Variants in PARD3B observed in about 807,000 individuals in gnomAD.
PARD3B encodes the protein partitioning defective 3 homolog B.
Under a neutral mutation model 130.2 loss-of-function variants are expected in PARD3B, and 103 were observed. That is an observed-to-expected ratio of 0.79 (90% CI 0.67 to 0.93). The LOEUF is 0.93. PARD3B is among the 40% of genes least tolerant of loss of function. PARD3B has a pLI of 0.00. For missense variants in PARD3B, 1,609 were observed against 1,499.2 expected (o/e 1.07, Z -1.21); for synonymous variants, 583 against 553.2 (o/e 1.05, Z -0.76).
intron 2 of PARD3B, among the ~76,000 whole-genome samples, chr2:204,933,087 G>A (rs1022017555): frequency 4.6e-5 from 7 of 152,166 alleles, no homozygotes; most frequent in African/African-American, 1.4e-4. Flanking sequence ...AGAACTGATT[G>A]CTCTAAGGTG....
rs1350680520 is a variant in PARD3B at position 205,229,638 on chromosome 2, C to T, written c.2141-16140C>T. Among the ~76,000 whole-genome samples the T allele has an allele frequency of 6.6e-6, 1 of 152,052 alleles. No individual in the cohort carries two copies. The highest frequency in any genetic ancestry group is 2.4e-5 in the African/African-American group (1 of 41,432). ...AAGGCAGCACAGCACTGGGTCTCTC[C>T]CTAGGCTCACAGTAACCACTGCCTG... On this transcript the variant is annotated intron_variant, in intron 15 of 22. Transcript: ENST00000406610. The surrounding 1 kb of genome is among the most constrained non-coding windows in gnomAD (Gnocchi z 5.2).
intron 4 of PARD3B, among the ~76,000 whole-genome samples, chr2:205,056,575 A>G (rs1249296511): frequency 6.6e-6 from 1 of 151,028 alleles, no homozygotes; most frequent in African/African-American, 2.4e-5. Flanking sequence ...GCCTTCTGAC[A>G]GACTAAAACC....
At chr2:204,858,811 T>C (rs2045064100) in intron 2 of PARD3B, among the ~76,000 whole-genome samples, 1 of 148,554 alleles carries the variant, frequency 6.7e-6, no homozygotes, top group Non-Finnish European at 1.5e-5. Flanking sequence ...AAAATACATA[T>C]ATAATATAAC....
Position 204,946,237 on chromosome 2 carries a change from G to T in PARD3B, c.223-18915G>T, listed in dbSNP as rs565799461. On this transcript the variant is annotated intron_variant, in intron 2 of 22. Transcript: ENST00000406610. Reference sequence around the variant, plus strand: ...TGCTCAGTTCTTAACACAGTGCTTGGCCTGTTACAAGTACTGAAGACGTGT... The same window carrying T: ...TGCTCAGTTCTTAACACAGTGCTTGTCCTGTTACAAGTACTGAAGACGTGT... Among the ~76,000 whole-genome samples the T allele has an allele frequency of 3.3e-5, 5 of 152,232 alleles. No individual in the cohort carries two copies. The South Asian group carries it at 1.0e-3, about 32-fold the overall frequency.
chr2:205,342,982 C>T (rs1053133000), intron 18 of PARD3B, among the ~76,000 whole-genome samples: 1 of 152,198 alleles, frequency 6.6e-6, no homozygotes, highest in Non-Finnish European at 1.5e-5. Context: ...TTTGGCAACA[C>T]AGAATGACTA....
At position 205,106,529 on chromosome 2, in the gene PARD3B, G is replaced by GTGTGTGTA. The variant is rs1221420507; in HGVS notation, c.593+2016_593+2017insGTGTGTAT. Among the ~76,000 whole-genome samples the GTGTGTGTA allele has an allele frequency of 6.6e-5, 10 of 150,666 alleles. No individual in the cohort carries two copies. The South Asian group carries it at 1.3e-3, about 19-fold the overall frequency. ...TGTGTGTGTGTGTGTGTGTGTGTGT[G>GTGTGTGTA]TATATTTGATTATCAAAACGGGCTT... On this transcript the variant is annotated intron_variant, in intron 5 of 22. Coordinates refer to ENST00000406610, the MANE Select transcript of PARD3B (RefSeq NM_001302769.2).
intron 18 of PARD3B, among the ~76,000 whole-genome samples, chr2:205,385,443 T>C (rs1431992152): frequency 6.6e-6 from 1 of 152,178 alleles, no homozygotes; most frequent in Non-Finnish European, 1.5e-5. Context: ...TGTCATTATT[T>C]AGAATGGACA....
chr2:205,391,572 C>T (rs911548236), intron 18 of PARD3B, among the ~76,000 whole-genome samples: 3 of 152,184 alleles, frequency 2.0e-5, no homozygotes, highest in African/African-American at 7.2e-5. Context: ...TCCCAGAAAT[C>T]GTAAGCATTT....
intron 16 of PARD3B, among the ~76,000 whole-genome samples, chr2:205,299,124 G>A (rs1286345723): frequency 6.6e-6 from 1 of 152,064 alleles, no homozygotes; most frequent in Non-Finnish European, 1.5e-5. Context: ...TTTTTAACAC[G>A]TTCGGATCAT....
chr2:205,203,246 T>C (rs111997691), intron 15 of PARD3B, among the ~76,000 whole-genome samples: 2,972 of 152,244 alleles, frequency 0.02, 75 homozygotes, highest in African/African-American at 0.052. Flanking sequence ...GATTAGAAAT[T>C]TTGGTCAATG....
chr2:205,245,958 C>T, intron 16 of PARD3B, 136 bp downstream of exon 16: 1 of 673,046 alleles, frequency 1.5e-6, no homozygotes, highest in Non-Finnish European at 2.6e-6. Context: ...TCTCTGACTT[C>T]CACAAAGATG....
chr2:205,474,298 T>A (rs1317510144), intron 20 of PARD3B, among the ~76,000 whole-genome samples: 2 of 152,180 alleles, frequency 1.3e-5, no homozygotes, highest in Non-Finnish European at 2.9e-5. Context: ...TTGGCTATTA[T>A]TAACTTTTTA....
At chr2:205,138,756 GTGTT>G (rs1353637534) in intron 10 of PARD3B, among the ~76,000 whole-genome samples, 1 of 152,174 alleles carries the variant, frequency 6.6e-6, no homozygotes, top group Non-Finnish European at 1.5e-5. Context: ...TCTCTTCTTA[GTGTT>G]TGTTTGTTCC....
chr2:205,196,992 G>A (rs1056878188), intron 15 of PARD3B, among the ~76,000 whole-genome samples: 2 of 148,484 alleles, frequency 1.3e-5, no homozygotes, highest in African/African-American at 4.9e-5. Context: ...ATCAAAATGA[G>A]TTTAAAGATG....
chr2:204,983,031 T>G (rs1466519335), intron 3 of PARD3B, among the ~76,000 whole-genome samples: 2 of 152,204 alleles, frequency 1.3e-5, no homozygotes, highest in Non-Finnish European at 2.9e-5. Flanking sequence ...TCTCGGATTA[T>G]CTGGATGATT....
At chr2:205,479,348 T>C (rs2049140055) in intron 20 of PARD3B, among the ~76,000 whole-genome samples, 1 of 152,194 alleles carries the variant, frequency 6.6e-6, no homozygotes, top group Non-Finnish European at 1.5e-5. Context: ...GTGAGGGCCC[T>C]GTGCCAAAGT....
At chr2:205,127,296 CAAAAAAAA>C (rs34822432) in intron 10 of PARD3B, among the ~76,000 whole-genome samples, 1 of 100,656 alleles carries the variant, frequency 9.9e-6, no homozygotes, top group Non-Finnish European at 1.9e-5. Context: ...GACTCTGTCT[CAAAAAAAA>C]AAAAAAAAAA....
chr2:204,635,708 C>A (rs1205171543), intron 1 of PARD3B, among the ~76,000 whole-genome samples: 1 of 152,140 alleles, frequency 6.6e-6, no homozygotes, highest in Non-Finnish European at 1.5e-5. Context: ...TCGGGCCTGG[C>A]TCTGCCAACT....
At chr2:205,188,203 G>A (rs2036201312) in intron 14 of PARD3B, among the ~76,000 whole-genome samples, 1 of 152,210 alleles carries the variant, frequency 6.6e-6, no homozygotes, top group South Asian at 2.1e-4. Context: ...GCAGTTTCTT[G>A]GAAAACGGAA....
Sources: allele counts gnomAD v4.1 joint callset (sites outside exome capture counted in the v4.1 genomes callset), GRCh38; gene constraint gnomAD v4.1.1; non-coding constraint Gnocchi (gnomAD v3.1); transcripts MANE v1.5; gene names NCBI Gene and HGNC (gene_info 2026-07-23, HGNC 2026-07-21).